The following MEGF6 variants were observed in gnomAD, a reference collection of about 807,000 sequenced individuals.
The protein encoded by MEGF6 is multiple EGF like domains 6, also known as multiple epidermal growth factor-like domains protein 6.
A neutral mutation model predicts 207.1 loss-of-function variants in MEGF6; 184 were observed. The observed-to-expected ratio is 0.89, with a 90% confidence interval of 0.79 to 1.00. The LOEUF is 1.00. MEGF6 is among the 50% of genes least tolerant of loss of function. The probability of loss-of-function intolerance (pLI) is 0.00; values close to 1 mark genes in which losing one functional copy is unlikely to be tolerated. For missense variants in MEGF6, 2,282 were observed against 2,202.9 expected (o/e 1.04, Z -0.72); for synonymous variants, 1,038 against 910.0 (o/e 1.14, Z -2.53).
chr1:3,602,881 CAACGA>C, intron 1 of MEGF6, among the ~76,000 whole-genome samples: 1 of 152,208 alleles, frequency 6.6e-6, no homozygotes, highest in African/African-American at 2.4e-5. Flanking sequence ...ACACAGCCAC[CAACGA>C]CGCTGCCTCA....
intron 3 of MEGF6, among the ~76,000 whole-genome samples, chr1:3,581,522 G>GT (rs1327802378): frequency 6.6e-6 from 1 of 152,238 alleles, no homozygotes. Context: ...CCGGGGCCCA[G>GT]TAACAGGAAA....
intron 14 of MEGF6, among the ~76,000 whole-genome samples, chr1:3,506,711 G>A (rs1043613028): frequency 1.3e-5 from 2 of 152,140 alleles, no homozygotes; most frequent in African/African-American, 4.8e-5. Flanking sequence ...CCTGCCCCAC[G>A]TCCTTCCTCC....
the MEGF6 span, among the ~76,000 whole-genome samples, chr1:3,620,657 C>T: frequency 6.6e-6 from 1 of 152,362 alleles, no homozygotes; most frequent in South Asian, 2.1e-4. Context: ...TTGTAGGGAC[C>T]AGCCCTACAG....
At chr1:3,616,235 C>T, upstream of MEGF6, among the ~76,000 whole-genome samples, 1 of 152,156 alleles carries the variant, frequency 6.6e-6, no homozygotes, top group East Asian at 1.9e-4. Flanking sequence ...TGCAAAACAT[C>T]CCTGAAAGCT....
At chr1:3,505,731 T>C (rs1168216532) in intron 15 of MEGF6, among the ~76,000 whole-genome samples, 175 bp from the exon 16 acceptor site, 1 of 152,168 alleles carries the variant, frequency 6.6e-6, no homozygotes, top group African/African-American at 2.4e-5. Context: ...ACCCCAGGGA[T>C]GGGTGACCCC....
chr1:3,497,430 C>T (rs774548943), intron 26 of MEGF6, 69 bp from the exon 27 acceptor site: 21 of 1,451,250 alleles, frequency 1.4e-5, no homozygotes, highest in South Asian at 2.8e-5. Flanking sequence ...CAGGACAGGC[C>T]GGGAGCAGGT....
intron 4 of MEGF6, among the ~76,000 whole-genome samples, chr1:3,557,359 C>G (rs975057753): frequency 2.6e-5 from 4 of 152,226 alleles, no homozygotes; most frequent in African/African-American, 4.8e-5. Flanking sequence ...CAGCTTCCCC[C>G]GCAGAGCTCT....
In MEGF6 at chr1:3,546,843, C is replaced by CT. The variant is rs371259878; in HGVS notation, c.482-22598_482-22597insA. On this transcript the variant is annotated intron_variant, in intron 4 of 36. Transcript: ENST00000356575. ...GGGTGGCAGTGGGCTGGGAAGGGGG[C>CT]GCCAGGGAGGCCGCCAAGGCAGGGT... 7.8e-3 allele frequency among the ~76,000 whole-genome samples: 744 copies of CT among 95,160 alleles called. 16 individuals are homozygous for CT. Among genetic ancestry groups the CT allele is most frequent in the South Asian group, 0.059 (159 of 2,714 alleles). The allele number at this position is 95,160 out of a possible 152,430, so 62.4% of individuals were successfully genotyped here.
chr1:3,524,947 G>A (rs188253270), intron 4 of MEGF6, among the ~76,000 whole-genome samples: 1 of 152,322 alleles, frequency 6.6e-6, no homozygotes, highest in African/African-American at 2.4e-5. Flanking sequence ...AAGAGGCCAG[G>A]AAGGTCCTCT....
Position 3,496,003 on chromosome 1 carries a change from C to A in MEGF6, c.3758G>T (p.Arg1253Leu), listed in dbSNP as rs78042623. The change falls in exon 30 of 37, where the codon CGC becomes CTC. Residue 1253 changes from arginine (R) to leucine (L), a missense_variant. Arg to Leu is a moderately radical substitution (Grantham distance 102). Transcript: ENST00000356575. ...CACGTGGGTGCAGTTGGGGCCGAAG[C>A]GGCCCTGCGGACAGGCTGCCGGGGA... ...TDCNLTCPQG[R>L]FGPNCTHVCG... 2 of 1,534,298 alleles carry A rather than the reference C, an allele frequency of 1.3e-6. No homozygotes were observed. Among genetic ancestry groups the A allele is most frequent in the Non-Finnish European group, 8.7e-7 (1 of 1,147,876 alleles).
chr1:3,617,806 G>A, the MEGF6 span, among the ~76,000 whole-genome samples: 1 of 152,220 alleles, frequency 6.6e-6, no homozygotes, highest in South Asian at 2.1e-4. Context: ...CAGAGCCACA[G>A]GGAGAGCGCA....
At chr1:3,530,981 GC>G (rs1414281721) in intron 4 of MEGF6, 4 of 1,371,836 alleles carry the variant, frequency 2.9e-6, no homozygotes, top group South Asian at 1.6e-5. Flanking sequence ...AGCCTAGCAG[GC>G]AGCGCCCTGG....
At chr1:3,608,073 C>T (rs111564382) in intron 1 of MEGF6, among the ~76,000 whole-genome samples, 4 of 151,670 alleles carry the variant, frequency 2.6e-5, no homozygotes. Context: ...CCCTGGAGGG[C>T]GGGGCTCGCT....
chr1:3,571,572 C>T (rs1643494677), intron 4 of MEGF6, among the ~76,000 whole-genome samples: 1 of 152,034 alleles, frequency 6.6e-6, no homozygotes, highest in Non-Finnish European at 1.5e-5. Context: ...GGGTCTTCCC[C>T]CCAAGTGTGC....
intron 4 of MEGF6, among the ~76,000 whole-genome samples, chr1:3,575,632 A>ATG (rs1553205172): frequency 0.63 from 95,891 of 151,632 alleles, 30,625 homozygotes; most frequent in East Asian, 0.77. Flanking sequence ...AGCAAGTCAC[A>ATG]TCTTACATGG....
chr1:3,571,080 C>G (rs1478110948), intron 4 of MEGF6, among the ~76,000 whole-genome samples: 2 of 152,166 alleles, frequency 1.3e-5, no homozygotes, highest in African/African-American at 4.8e-5. Flanking sequence ...CACAGACAGC[C>G]AACAGCCTGG....
At chr1:3,592,456 G>A (rs994768769) in intron 3 of MEGF6, among the ~76,000 whole-genome samples, 9 of 151,908 alleles carry the variant, frequency 5.9e-5, no homozygotes, top group East Asian at 5.8e-4. Flanking sequence ...TGCAGGCCTC[G>A]TCACACCCTG....
chr1:3,497,726 G>A lies in MEGF6; in HGVS notation c.3353-365C>T, dbSNP rs1640672050. The A allele has an allele frequency of 1.5e-5, 6 of 402,794 alleles. No homozygotes were observed. In the East Asian group the frequency reaches 2.7e-4, roughly 18 times the overall value. The allele number at this position is 402,794 out of a possible 1,614,324, so 25.0% of individuals were successfully genotyped here. ...AGCAGCCGGGGCTCAGCACTGAGGC[G>A]ACGGGAGCCAGCGACAGCCCTGAGG... is the stretch of plus-strand genomic sequence containing the variant. On this transcript the variant is annotated intron_variant, in intron 26 of 36. Transcript: ENST00000356575.
upstream of MEGF6, among the ~76,000 whole-genome samples, chr1:3,616,419 C>T (rs895147100): frequency 9.2e-5 from 14 of 152,172 alleles, no homozygotes; most frequent in African/African-American, 2.4e-4. Context: ...ACGACTGCCC[C>T]GTACCGCCCC....
Sources: gnomAD v4.1 joint callset for allele counts (sites outside exome capture counted in the v4.1 genomes callset) on GRCh38, gnomAD v4.1.1 for gene constraint, MANE v1.5 for transcripts, NCBI Gene and HGNC (gene_info 2026-07-23, HGNC 2026-07-21) for gene names.